STARD7: variants seen among roughly 807,000 people sequenced by gnomAD.
The protein encoded by STARD7 is StAR related lipid transfer domain containing 7, also known as stAR-related lipid transfer protein 7, mitochondrial.
Under a neutral mutation model 45.3 loss-of-function variants are expected in STARD7, and 30 were observed. The observed-to-expected ratio is 0.66, with a 90% CI of 0.50 to 0.90. The LOEUF is 0.90. Among genes scored for constraint, STARD7 ranks in the 40% least tolerant of loss-of-function variants. The pLI is 0.00. For missense variants in STARD7, 495 were observed against 491.3 expected, an observed-to-expected ratio of 1.01 and a Z score of -0.07; for synonymous variants, 199 against 183.0, an observed-to-expected ratio of 1.09 and a Z score of -0.70.
Position 96,208,236 on chromosome 2 carries a change from C to G in STARD7, c.199G>C (p.Gly67Arg). Residue 67 changes from glycine (G) to arginine (R), a missense_variant, in exon 1 of 8, where the codon GGC (glycine) becomes CGC (arginine). This residue lies in a region of STARD7 where 282 missense variants were observed against 220.1 expected (regional missense o/e 1.28). Transcript: ENST00000337288. ...AAGGCAGAGGCATGGCCAGGACGGC[C>G]GTGCAGCCGGCGCCAGAGGCGGCCG... is the stretch of plus-strand genomic sequence containing the variant. The part of the protein sequence containing the change: ...LLGRLWRRLH[G>R]RPGHASALMA... The G allele has an allele frequency of 1.2e-6, 2 of 1,612,346 alleles. No homozygotes were observed. Among genetic ancestry groups the G allele is most frequent in the Non-Finnish European group, 1.7e-6 (2 of 1,179,604 alleles).
chr2:96,186,837 T>TGTA lies in STARD7; in HGVS notation c.1003_1005dup (p.Tyr335dup). On this transcript the variant is annotated inframe_insertion, in exon 8 of 8. Transcript: ENST00000337288. ...CTCATTTCCAGAGGCTTAGCTGAGA[T>TGTA]GTAGTCCTTTACTTTAATCTCCATA... 1.2e-6 allele frequency: 2 copies of TGTA among 1,614,022 alleles called. No individual in the cohort carries two copies. The highest frequency in any genetic ancestry group is 1.7e-6 in the Non-Finnish European group (2 of 1,179,876).
chr2:96,192,560 G>A lies in STARD7; in HGVS notation c.744-92C>T, dbSNP rs1683141475. ...GTTAAGGGGAAGGCCTAAAAAGCTG[G>A]CTCTGATATTTTTAAATACACAAAA... On this transcript the variant is annotated intron_variant, in intron 5 of 7. Coordinates refer to ENST00000337288, the MANE Select transcript of STARD7 (RefSeq NM_020151.4). 22 of 925,782 alleles carry A rather than the reference G, an allele frequency of 2.4e-5. No homozygotes were observed. In the South Asian group the frequency reaches 3.0e-4, roughly 13 times the overall value. 57.3% of individuals were successfully genotyped at this position (925,782 alleles called of 1,614,324 possible).
chr2:96,198,876 G>A (rs1683263790), intron 1 of STARD7, among the ~76,000 whole-genome samples: 1 of 152,316 alleles, frequency 6.6e-6, no homozygotes, highest in East Asian at 1.9e-4. Context: ...TGAGGTAGGA[G>A]TCTAAACTCA....
chr2:96,197,120 A>ATAAAATAAAATAAAATAAAAT (rs1683233578), intron 1 of STARD7, among the ~76,000 whole-genome samples: 1 of 138,760 alleles, frequency 7.2e-6, no homozygotes, highest in Non-Finnish European at 1.6e-5. Context: ...ATAAAATAAA[A>ATAAAATAAAATAAAATAAAAT]TAAAGCCAAG....
chr2:96,208,200 A>C lies in STARD7; in HGVS notation c.235T>G (p.Leu79Val). ...TCGTCCCAAACGAAGACGCCGGCTA[A>C]CGCCGCCATCAAGGCAGAGGCATGG... ...PGHASALMAA[L>V]AGVFVWDEER... The change falls in exon 1 of 8, where the codon TTA (leucine) becomes GTA (valine). Residue 79 changes from leucine (L) to valine (V), a missense_variant. Physicochemically the swap from Leu to Val is conservative, Grantham distance 32. Coordinates refer to ENST00000337288, the MANE Select transcript of STARD7 (RefSeq NM_020151.4). 6.2e-7 allele frequency: 1 copy of C among 1,608,074 alleles called. No homozygotes were observed. Among genetic ancestry groups the C allele is most frequent in the Non-Finnish European group, 8.5e-7 (1 of 1,177,704 alleles).
At chr2:96,207,036 T>C (rs1396388694) in intron 1 of STARD7, among the ~76,000 whole-genome samples, 1 of 152,182 alleles carries the variant, frequency 6.6e-6, no homozygotes, top group Non-Finnish European at 1.5e-5. Context: ...AGGTTGTTTG[T>C]GGTTATTATT....
At chr2:96,198,291 C>A (rs1279910163) in intron 1 of STARD7, among the ~76,000 whole-genome samples, 1 of 151,616 alleles carries the variant, frequency 6.6e-6, no homozygotes, top group Non-Finnish European at 1.5e-5. Context: ...CCACTTCACT[C>A]CAGCCTGGGC....
In STARD7 at chr2:96,186,788, T is replaced by G; in HGVS notation, c.1055A>C (p.Gln352Pro). 1 of 1,613,962 alleles carries G rather than the reference T, an allele frequency of 6.2e-7. No homozygotes were observed. Among genetic ancestry groups the G allele is most frequent in the Non-Finnish European group, 8.5e-7 (1 of 1,179,858 alleles). ...GCCCTCGTTCTTTCGCTCAGAGGACTGGCTGGTGGCCTTGGCTTCACTACT... is the reference window on the plus strand; with the variant it reads ...GCCCTCGTTCTTTCGCTCAGAGGACGGGCTGGTGGCCTTGGCTTCACTACT... ...EMSSEAKATS[Q>P]SSERKNEGSC... Residue 352 changes from glutamine (Q) to proline (P), a missense_variant, in exon 8 of 8, where the codon CAG (glutamine) becomes CCG (proline). By Grantham distance (76) the Gln-to-Pro change is moderately conservative (BLOSUM62 -1). This residue lies in a region of STARD7 where 213 missense variants were observed against 271.2 expected (regional missense o/e 0.79). Transcript: ENST00000337288.
rs142795570 is a variant in STARD7, at chr2:96,190,262, G to A, written c.843+2107C>T. 2.9e-3 allele frequency among the ~76,000 whole-genome samples: 444 copies of A among 151,720 alleles called. 5 individuals are homozygous for A. The highest frequency in any genetic ancestry group is 0.01 in the African/African-American group (432 of 41,384). On this transcript the variant is annotated intron_variant, in intron 6 of 7. Coordinates refer to ENST00000337288, the MANE Select transcript of STARD7 (RefSeq NM_020151.4). ...TTGAGCCAACAAGAAGACTCCCAAT[G>A]ACCAAAACTGGAATCAATTTGAGCA...
intron 3 of STARD7, among the ~76,000 whole-genome samples, chr2:96,194,328 GGGTAACACAGCA>G: frequency 6.6e-6 from 1 of 152,062 alleles, no homozygotes; most frequent in African/African-American, 2.4e-5. Context: ...ACTCCAGCCT[GGGTAACACAGCA>G]GGACCCTGTC....
intron 6 of STARD7, 45 bp from the exon 7 acceptor site, chr2:96,187,346 C>T (rs776021479): frequency 1.7e-6 from 2 of 1,177,966 alleles, no homozygotes; most frequent in Non-Finnish European, 2.6e-6. Flanking sequence ...GAATCACCAA[C>T]CACAACCTCC....
At chr2:96,198,875 A>G (rs1168380534) in intron 1 of STARD7, among the ~76,000 whole-genome samples, 1 of 152,184 alleles carries the variant, frequency 6.6e-6, no homozygotes, top group African/African-American at 2.4e-5. Flanking sequence ...ATGAGGTAGG[A>G]GTCTAAACTC....
At position 96,193,176 on chromosome 2, in the gene STARD7, A is replaced by G. The variant is rs997548; in HGVS notation, c.661-16T>C. On this transcript the variant is annotated splice_polypyrimidine_tract_variant and intron_variant, in intron 4 of 7. Transcript: ENST00000337288. ...ACATTGGATACTAAAGAAATGGAGG[A>G]GCAGGATTAGTGTTCTGCATCACAC... is the stretch of plus-strand genomic sequence containing the variant. 0.17 allele frequency: 272,667 copies of G among 1,601,934 alleles called. 24,871 individuals are homozygous for G. The highest frequency in any genetic ancestry group is 0.25 in the Middle Eastern group (1,528 of 6,042).
rs1683437492 is a variant in STARD7 at position 96,208,359 on chromosome 2, G to A, written c.76C>T (p.Gln26Ter). 1 of 1,573,196 alleles carries A rather than the reference G, an allele frequency of 6.4e-7. No individual in the cohort carries two copies. Among genetic ancestry groups the A allele is most frequent in the Non-Finnish European group, 8.6e-7 (1 of 1,167,384 alleles). The change falls in exon 1 of 8, where the codon CAG becomes TAG. Residue 26 changes from glutamine (Q) to a stop codon, truncating the protein, a stop_gained. Coordinates refer to ENST00000337288, the MANE Select transcript of STARD7 (RefSeq NM_020151.4). LOFTEE classifies it high-confidence loss of function. Reference protein sequence around the residue: ...GGGLLALLANQCRFVTGLRVR... With the variant: ...GGGLLALLAN The stretch of plus-strand genomic sequence containing the variant: ...CGCAGGCCCGTGACGAAGCGGCACT[G>A]ATTGGCCAGAAGCGCCAGCAGGCCC...
In STARD7 at chr2:96,206,800, C is replaced by CAAA. The variant is rs61417989; in HGVS notation, c.290+1342_290+1344dup. Among the ~76,000 whole-genome samples the CAAA allele has an allele frequency of 2.9e-3, 142 of 49,292 alleles. 5 individuals carry two copies. Among genetic ancestry groups the CAAA allele is most frequent in the Middle Eastern group, 8.1e-3 (1 of 124 alleles). The allele number at this position is 49,292 out of a possible 152,430, so 32.3% of individuals were successfully genotyped here. A position where few individuals can be genotyped will look rare whatever the true frequency, so the allele number is the denominator to read the frequency against. On this transcript the variant is annotated intron_variant, in intron 1 of 7. Coordinates refer to ENST00000337288, the MANE Select transcript of STARD7 (RefSeq NM_020151.4). ...TGGGCGACAGAGCGAGACTCCGTCT[C>CAAA]AAAAAAAAAAAAAAAAAAAAAAAAG...
chr2:96,202,259 C>G lies in STARD7; in HGVS notation c.290+5886G>C, dbSNP rs1043564659. Reference sequence around the variant, plus strand: ...CAGGATCTTGAGGGAGCTGGGAGTCCAGGAGTACAACCAATCTGGGGGAAA... The same window carrying G: ...CAGGATCTTGAGGGAGCTGGGAGTCGAGGAGTACAACCAATCTGGGGGAAA... On this transcript the variant is annotated intron_variant, in intron 1 of 7. Transcript: ENST00000337288. 2.0e-5 allele frequency among the ~76,000 whole-genome samples: 3 copies of G among 152,132 alleles called. No individual in the cohort carries two copies. The South Asian group carries it at 6.2e-4, about 32-fold the overall frequency.
chr2:96,204,269 AAG>A (rs925618849), intron 1 of STARD7, among the ~76,000 whole-genome samples: 2 of 145,600 alleles, frequency 1.4e-5, no homozygotes, highest in African/African-American at 2.6e-5. Flanking sequence ...TAAGAAAAAA[AAG>A]AGTCTGGGCG....
intron 1 of STARD7, among the ~76,000 whole-genome samples, chr2:96,205,766 G>A (rs1441584873): frequency 6.6e-6 from 1 of 151,996 alleles, no homozygotes; most frequent in Non-Finnish European, 1.5e-5. Flanking sequence ...AAGACCTAAG[G>A]AACCACTGTG....
At chr2:96,195,138 A>C (rs1390465434) in intron 2 of STARD7, 131 bp from the exon 3 acceptor site, 3 of 882,600 alleles carry the variant, frequency 3.4e-6, no homozygotes, top group Non-Finnish European at 5.3e-6. Flanking sequence ...TAGAAGTCTT[A>C]GTAGAGCAAC....
Sources: allele counts gnomAD v4.1 joint callset (sites outside exome capture counted in the v4.1 genomes callset), GRCh38; gene constraint gnomAD v4.1.1; regional missense constraint gnomAD v4.1.1; transcripts MANE v1.5; gene names NCBI Gene and HGNC (gene_info 2026-07-23, HGNC 2026-07-21).